NF1: variants seen among roughly 807,000 people sequenced by gnomAD.
The protein encoded by NF1 is neurofibromin 1, also known as neurofibromin.
Under a neutral mutation model 325.7 loss-of-function variants are expected in NF1, and 122 were observed. The ratio of observed to expected loss-of-function variants is 0.37; its 90% CI spans 0.32 to 0.44. NF1 has a LOEUF of 0.44. Ranked by LOEUF, NF1 falls within the 20% of genes least tolerant of loss-of-function variation. The probability of loss-of-function intolerance (pLI) is 1.00; values close to 1 mark genes in which losing one functional copy is unlikely to be tolerated. For synonymous variants in NF1, 1,091 were observed against 1,186.0 expected (o/e 0.92, Z 1.65); for missense variants, 2,140 against 3,415.4 (o/e 0.63, Z 9.31).
At chr17:31,346,632 C>T (rs923487034) in intron 48 of NF1, among the ~76,000 whole-genome samples, 1 of 151,580 alleles carries the variant, frequency 6.6e-6, no homozygotes, top group East Asian at 1.9e-4. Flanking sequence ...GGCTTTGTCC[C>T]AGGCTTTCTG....
Position 31,095,056 on chromosome 17 carries a change from A to AG in NF1, c.-252dup. 1 of 578,418 alleles carries AG rather than the reference A, an allele frequency of 1.7e-6. No individual in the cohort carries two copies. Among genetic ancestry groups the AG allele is most frequent in the Non-Finnish European group, 3.1e-6 (1 of 324,470 alleles). The allele number at this position is 578,418 out of a possible 1,614,324, so 35.8% of individuals were successfully genotyped here. ...GGCGCTAGTGGGGAGAGCGACCAAGAGGCCCCCTCCCCTCCCCGGGTCCCC... is the reference window on the plus strand; with the variant it reads ...GGCGCTAGTGGGGAGAGCGACCAAGAGGGCCCCCTCCCCTCCCCGGGTCCCC... On this transcript the variant is annotated 5_prime_UTR_variant, in exon 1 of 58. Coordinates refer to ENST00000358273, the MANE Select transcript of NF1 (RefSeq NM_001042492.3).
At chr17:31,232,316 T>A in intron 25 of NF1, 127 bp downstream of exon 25, 1 of 690,136 alleles carries the variant, frequency 1.4e-6, no homozygotes, top group Non-Finnish European at 2.6e-6. Context: ...TGTGATTTTT[T>A]TAAAGAAAGT....
intron 3 of NF1, among the ~76,000 whole-genome samples, chr17:31,160,200 C>T (rs2143653097): frequency 6.6e-6 from 1 of 152,300 alleles, no homozygotes; most frequent in African/African-American, 2.4e-5. Context: ...ATTCTCATGC[C>T]TCAGCCTCCC....
At chr17:31,356,725 A>T (rs926115228) in intron 52 of NF1, 143 bp downstream of exon 52, 42 of 1,255,828 alleles carry the variant, frequency 3.3e-5, no homozygotes, top group Admixed American at 1.9e-4. Flanking sequence ...AAACTCTACC[A>T]TTCAAGACAG....
At chr17:31,341,905 G>A (rs1212715369) in intron 47 of NF1, among the ~76,000 whole-genome samples, 1 of 152,092 alleles carries the variant, frequency 6.6e-6, no homozygotes, top group Non-Finnish European at 1.5e-5. Flanking sequence ...AGAGGGGAAT[G>A]TTTTTAAAAG....
chr17:31,225,642 C>CA (rs1364990039), intron 17 of NF1, among the ~76,000 whole-genome samples: 1 of 152,114 alleles, frequency 6.6e-6, no homozygotes, highest in African/African-American at 2.4e-5. Context: ...GGGATAAAAA[C>CA]AAAGTATTTT....
chr17:31,208,141 A>G (rs1359414956), intron 12 of NF1, among the ~76,000 whole-genome samples: 1 of 152,212 alleles, frequency 6.6e-6, no homozygotes, highest in Admixed American at 6.5e-5. Context: ...ATAACTAGAG[A>G]GGATTTCCTC....
intron 2 of NF1, among the ~76,000 whole-genome samples, chr17:31,156,898 C>T (rs2065672770): frequency 6.6e-6 from 1 of 152,170 alleles, no homozygotes; most frequent in Non-Finnish European, 1.5e-5. Context: ...CTAACATACT[C>T]AGTTCATGGC....
At chr17:31,289,082 A>G (rs2068298610) in intron 36 of NF1, among the ~76,000 whole-genome samples, 1 of 152,328 alleles carries the variant, frequency 6.6e-6, no homozygotes, top group South Asian at 2.1e-4. Flanking sequence ...GGTGGTCAAA[A>G]AAACAAACTT....
intron 36 of NF1, among the ~76,000 whole-genome samples, chr17:31,299,280 AAAATAAAT>A (rs35288330): frequency 6.6e-6 from 1 of 150,766 alleles, no homozygotes; most frequent in Non-Finnish European, 1.5e-5. Context: ...AAGTATAATA[AAAATAAAT>A]AAATAAATAA....
intron 3 of NF1, among the ~76,000 whole-genome samples, chr17:31,159,623 C>G (rs1371978341): frequency 6.6e-6 from 1 of 152,126 alleles, no homozygotes; most frequent in Non-Finnish European, 1.5e-5. Context: ...ACAATTATTT[C>G]TCTGGTTTCC....
Position 31,350,209 on chromosome 17 carries a change from C to T in NF1, c.7348C>T (p.Arg2450Ter), listed in dbSNP as rs786202457. The T allele has an allele frequency of 6.2e-7, 1 of 1,613,896 alleles. No individual in the cohort carries two copies. The highest frequency in any genetic ancestry group is 8.5e-7 in the Non-Finnish European group (1 of 1,179,862). ...AALLTVSEEV[R>*]SRCSLKHRKS... is the part of the protein sequence containing the mutation. ...TTTACTTACAGTGTCTGAAGAAGTT[C>T]GAAGTCGCTGCAGCCTAAAACATAG... Residue 2450 changes from arginine to a stop codon, truncating the protein, a stop_gained, in exon 50 of 58, where the codon CGA becomes TGA. Transcript: ENST00000358273. LOFTEE classifies it high-confidence loss of function.
At chr17:31,335,626 T>C (rs1320833116) in intron 40 of NF1, among the ~76,000 whole-genome samples, 6 of 151,890 alleles carry the variant, frequency 4.0e-5, no homozygotes, top group Non-Finnish European at 8.8e-5. Flanking sequence ...AGAAATAACC[T>C]TGGAGCCAGT....
chr17:31,216,050 G>T lies in NF1; in HGVS notation c.1527+1465G>T, dbSNP rs143943885. On this transcript the variant is annotated intron_variant, in intron 13 of 57. Coordinates refer to ENST00000358273, the MANE Select transcript of NF1 (RefSeq NM_001042492.3). ...TTTGAAAGTCTAATTAGAATAAACA[G>T]ATCTTTGGCATGAAAAAATTCCATA... 3.4e-3 allele frequency among the ~76,000 whole-genome samples: 511 copies of T among 152,274 alleles called. 5 individuals are homozygous for T. Among genetic ancestry groups the T allele is most frequent in the African/African-American group, 0.012 (493 of 41,558 alleles).
chr17:31,186,462 G>A (rs759301600), intron 8 of NF1, among the ~76,000 whole-genome samples: 20 of 152,172 alleles, frequency 1.3e-4, no homozygotes, highest in African/African-American at 4.6e-4. Context: ...TGTACTTTGC[G>A]TGGAAGGAGA....
In NF1 at chr17:31,277,145, T is replaced by C. The variant is rs2151481288; in HGVS notation, c.4835+11806T>C. Among the ~76,000 whole-genome samples the C allele has an allele frequency of 2.0e-5, 3 of 152,316 alleles. 1 individual carries two copies. The Middle Eastern group carries it at 0.01, about 518-fold the overall frequency. ...AAGGTCTTCATCCTCTTTATCTTCA[T>C]GTTGAGTAGGTGGAGGAGAAAGAAG... On this transcript the variant is annotated intron_variant, in intron 36 of 57. Coordinates refer to ENST00000358273, the MANE Select transcript of NF1 (RefSeq NM_001042492.3).
chr17:31,267,416 A>G (rs2067811654), intron 36 of NF1, among the ~76,000 whole-genome samples: 1 of 151,952 alleles, frequency 6.6e-6, no homozygotes, highest in African/African-American at 2.4e-5. Flanking sequence ...GGGATATGGC[A>G]CTGTCAGTTT....
chr17:31,176,280 T>G (rs540628417), intron 5 of NF1, among the ~76,000 whole-genome samples: 6 of 152,362 alleles, frequency 3.9e-5, no homozygotes, highest in African/African-American at 9.6e-5. Flanking sequence ...CCAGTGATAA[T>G]GAGCTTTTCT....
intron 1 of NF1, among the ~76,000 whole-genome samples, chr17:31,120,486 C>G (rs994762908): frequency 1.6e-4 from 24 of 152,276 alleles, no homozygotes; most frequent in South Asian, 4.2e-4. Context: ...AGTTGCTTCT[C>G]AGCTAAAGGA....
Sources: gnomAD v4.1 joint callset for allele counts (sites outside exome capture counted in the v4.1 genomes callset) on GRCh38, gnomAD v4.1.1 for gene constraint, MANE v1.5 for transcripts, NCBI Gene and HGNC (gene_info 2026-07-23, HGNC 2026-07-21) for gene names.